NARS2: variants seen among roughly 807,000 people sequenced by gnomAD.
The protein encoded by NARS2 is asparaginyl-tRNA synthetase 2, mitochondrial.
Under a neutral mutation model 62.9 loss-of-function variants are expected in NARS2, and 60 were observed. The observed-to-expected ratio is 0.95, with a 90% CI of 0.77 to 1.18. The LOEUF is 1.18. Among genes scored for constraint, NARS2 ranks in the 50% most tolerant of loss-of-function variants. The pLI is 0.00. For synonymous variants in NARS2, 196 were observed against 200.0 expected, an observed-to-expected ratio of 0.98 and a Z score of 0.17; for missense variants, 619 against 576.4, an observed-to-expected ratio of 1.07 and a Z score of -0.76.
At chr11:78,492,108 T>C (rs61881822) in intron 7 of NARS2, among the ~76,000 whole-genome samples, 2,184 of 134,140 alleles carry the variant, frequency 0.016, 28 homozygotes, top group Middle Eastern at 0.031. Flanking sequence ...TATATATATA[T>C]ACAGACACAC....
chr11:78,456,559 C>G (rs1352058701), intron 11 of NARS2, among the ~76,000 whole-genome samples: 1 of 152,170 alleles, frequency 6.6e-6, no homozygotes, highest in Non-Finnish European at 1.5e-5. Flanking sequence ...TTATTGCACA[C>G]CCCTTGGCTG....
intron 5 of NARS2, among the ~76,000 whole-genome samples, chr11:78,551,578 C>T (rs150710179): frequency 6.8e-4 from 103 of 151,828 alleles, no homozygotes; most frequent in African/African-American, 2.2e-3. Context: ...AGGCTGGGCG[C>T]GGTGGCTCAT....
intron 9 of NARS2, among the ~76,000 whole-genome samples, chr11:78,476,794 A>T (rs1299756438): frequency 6.6e-6 from 1 of 152,084 alleles, no homozygotes; most frequent in East Asian, 1.9e-4. Flanking sequence ...CCAAAGCACA[A>T]GAGTTAAGTG....
In NARS2 at chr11:78,499,285, A is replaced by G. The variant is rs143048001; in HGVS notation, c.690-6090T>C. 7.2e-5 allele frequency among the ~76,000 whole-genome samples: 11 copies of G among 152,248 alleles called. No homozygotes were observed. The East Asian group carries it at 1.9e-3, about 27-fold the overall frequency. The stretch of plus-strand genomic sequence containing the variant: ...TTGTCAAATAAGTAATTCTTCTTCT[A>G]TAAAATATGCTGATCCCCAAATTGC... On this transcript the variant is annotated intron_variant, in intron 6 of 13. Coordinates refer to ENST00000281038, the MANE Select transcript of NARS2 (RefSeq NM_024678.6).
At chr11:78,524,256 T>G (rs1419216187) in intron 6 of NARS2, among the ~76,000 whole-genome samples, 1 of 152,144 alleles carries the variant, frequency 6.6e-6, no homozygotes, top group Non-Finnish European at 1.5e-5. Flanking sequence ...CTATTATAAA[T>G]AAAAGTTGCT....
intron 11 of NARS2, among the ~76,000 whole-genome samples, chr11:78,447,073 GACTA>G (rs1857788043): frequency 6.7e-6 from 1 of 149,324 alleles, no homozygotes; most frequent in Admixed American, 6.6e-5. Flanking sequence ...ACATACAAAT[GACTA>G]ACAGGTGCAA....
intron 7 of NARS2, among the ~76,000 whole-genome samples, chr11:78,483,612 C>G (rs989139328): frequency 6.6e-6 from 1 of 152,096 alleles, no homozygotes; most frequent in African/African-American, 2.4e-5. Context: ...AGCAGAGAGC[C>G]AAATCATGAG....
chr11:78,458,712 G>A (rs373282745), intron 11 of NARS2, among the ~76,000 whole-genome samples: 276 of 152,282 alleles, frequency 1.8e-3, no homozygotes, highest in African/African-American at 6.5e-3. Context: ...TGTCCACCAC[G>A]TCCCAGGCAT....
chr11:78,569,409 C>G (rs1856843609), intron 2 of NARS2, among the ~76,000 whole-genome samples: 1 of 152,232 alleles, frequency 6.6e-6, no homozygotes, highest in Non-Finnish European at 1.5e-5. Context: ...CCTGCCTTGG[C>G]CTCCCAAAGT....
chr11:78,509,073 C>G (rs1435575111), intron 6 of NARS2, among the ~76,000 whole-genome samples: 2 of 150,816 alleles, frequency 1.3e-5, no homozygotes, highest in Non-Finnish European at 2.9e-5. Context: ...CAACAGCACT[C>G]CAGCCTGGGC....
chr11:78,470,021 G>A (rs530077002), intron 9 of NARS2, among the ~76,000 whole-genome samples: 1 of 152,260 alleles, frequency 6.6e-6, no homozygotes, highest in African/African-American at 2.4e-5. Flanking sequence ...ACAAGGACCT[G>A]AAGTGAGAAA....
At chr11:78,544,036 A>AAAAC (rs1590840849) in intron 5 of NARS2, among the ~76,000 whole-genome samples, 3 of 151,058 alleles carry the variant, frequency 2.0e-5, no homozygotes, top group East Asian at 3.9e-4. Flanking sequence ...AAAAAAAAAA[A>AAAAC]AAAACTCTCT....
At chr11:78,525,719 C>T (rs79522514) in intron 6 of NARS2, among the ~76,000 whole-genome samples, 20 of 152,214 alleles carry the variant, frequency 1.3e-4, no homozygotes, top group African/African-American at 4.8e-4. Context: ...CTTAGTGACT[C>T]ACTTCCAAAA....
At chr11:78,515,298 TC>T (rs1860863835) in intron 6 of NARS2, among the ~76,000 whole-genome samples, 1 of 152,152 alleles carries the variant, frequency 6.6e-6, no homozygotes, top group African/African-American at 2.4e-5. Flanking sequence ...GCATTGGTTC[TC>T]AGCATCAGCA....
At chr11:78,442,578 G>A (rs1857607365) in intron 12 of NARS2, among the ~76,000 whole-genome samples, 1 of 151,004 alleles carries the variant, frequency 6.6e-6, no homozygotes, top group South Asian at 2.1e-4. Flanking sequence ...ATGAAACCCA[G>A]TACTATCTGG....
At chr11:78,502,436 G>T (rs182721457) in intron 6 of NARS2, among the ~76,000 whole-genome samples, 1 of 152,172 alleles carries the variant, frequency 6.6e-6, no homozygotes, top group African/African-American at 2.4e-5. Flanking sequence ...CTGGATTATG[G>T]TTCTACCCTT....
At chr11:78,546,375 T>A (rs957496007) in intron 5 of NARS2, 3 of 152,220 alleles carry the variant, frequency 2.0e-5, no homozygotes, top group African/African-American at 7.2e-5. Context: ...TCCTACTGAT[T>A]ACACAGAACC....
At chr11:78,450,014 G>A (rs1857908666) in intron 11 of NARS2, among the ~76,000 whole-genome samples, 1 of 152,160 alleles carries the variant, frequency 6.6e-6, no homozygotes, top group South Asian at 2.1e-4. Context: ...TGTACTAAAA[G>A]CATTTGTACA....
At chr11:78,542,710 G>T (rs576965549) in intron 5 of NARS2, among the ~76,000 whole-genome samples, 162 of 152,300 alleles carry the variant, frequency 1.1e-3, no homozygotes, top group African/African-American at 3.7e-3. Context: ...TTCAAGACCA[G>T]CCTGAGCAAC....
Sources: allele counts gnomAD v4.1 joint callset (sites outside exome capture counted in the v4.1 genomes callset), GRCh38; gene constraint gnomAD v4.1.1; transcripts MANE v1.5; gene names NCBI Gene and HGNC (gene_info 2026-07-23, HGNC 2026-07-21).